Variants in PLCB1 observed in about 807,000 individuals in gnomAD.
PLCB1 encodes the protein phospholipase C beta 1.
A neutral mutation model predicts 161.8 loss-of-function variants in PLCB1; 46 were observed. The ratio of observed to expected loss-of-function variants is 0.28; its 90% CI spans 0.22 to 0.36. PLCB1 has a LOEUF of 0.36. Among genes scored for constraint, PLCB1 ranks in the 10% least tolerant of loss-of-function variants. The probability of loss-of-function intolerance (pLI) is 1.00; values close to 1 mark genes in which losing one functional copy is unlikely to be tolerated. For synonymous variants in PLCB1, 517 were observed against 503.7 expected, an observed-to-expected ratio of 1.03 and a Z score of -0.35; for missense variants, 1,016 against 1,472.5, an observed-to-expected ratio of 0.69 and a Z score of 5.07.
At chr20:8,750,512 A>G (rs2123545583) in intron 23 of PLCB1, among the ~76,000 whole-genome samples, 1 of 152,360 alleles carries the variant, frequency 6.6e-6, no homozygotes, top group African/African-American at 2.4e-5. Context: ...TTGATCACAT[A>G]TAAATCCCTC....
chr20:8,620,599 G>A (rs1357589998), intron 3 of PLCB1, among the ~76,000 whole-genome samples: 1 of 151,738 alleles, frequency 6.6e-6, no homozygotes, highest in Non-Finnish European at 1.5e-5. Flanking sequence ...AATTAGCCAG[G>A]TCTGGTGGTG....
intron 3 of PLCB1, among the ~76,000 whole-genome samples, chr20:8,537,472 T>A (rs1985101202): frequency 6.6e-6 from 1 of 152,128 alleles, no homozygotes; most frequent in Non-Finnish European, 1.5e-5. Flanking sequence ...ATAGGGAGAC[T>A]GCCTTTCCCT....
intron 31 of PLCB1, among the ~76,000 whole-genome samples, chr20:8,849,769 C>T (rs775019698): frequency 3.3e-5 from 5 of 152,108 alleles, no homozygotes; most frequent in Non-Finnish European, 5.9e-5. Flanking sequence ...AATCCCAGCA[C>T]TTTGGGAGGC....
intron 2 of PLCB1, among the ~76,000 whole-genome samples, chr20:8,154,142 C>T (rs1383893461): frequency 6.6e-6 from 1 of 152,084 alleles, no homozygotes; most frequent in Non-Finnish European, 1.5e-5. Flanking sequence ...TACTAAGTCA[C>T]ATCATATTAA....
chr20:8,720,748 T>C (rs1471882489), intron 14 of PLCB1, among the ~76,000 whole-genome samples: 1 of 152,122 alleles, frequency 6.6e-6, no homozygotes, highest in Non-Finnish European at 1.5e-5. Context: ...TGATTGGCTA[T>C]TTGAAATGAC....
intron 3 of PLCB1, among the ~76,000 whole-genome samples, chr20:8,434,498 A>G (rs984515060): frequency 1.3e-5 from 2 of 152,222 alleles, no homozygotes; most frequent in African/African-American, 4.8e-5. Context: ...AACAGATTAG[A>G]TGTCCAATTA....
chr20:8,816,550 T>C (rs1028279028), intron 31 of PLCB1, among the ~76,000 whole-genome samples: 4 of 152,158 alleles, frequency 2.6e-5, no homozygotes, highest in African/African-American at 9.7e-5. Flanking sequence ...AAAAACATGT[T>C]CAGACATACA....
At chr20:8,644,693 G>A (rs1337140852) in intron 4 of PLCB1, among the ~76,000 whole-genome samples, 4 of 151,508 alleles carry the variant, frequency 2.6e-5, no homozygotes, top group East Asian at 4.0e-4. Flanking sequence ...CGCCCCGTCC[G>A]GGAGGGAGGT....
chr20:8,271,653 A>G (rs1408698916), intron 2 of PLCB1, among the ~76,000 whole-genome samples: 2 of 152,118 alleles, frequency 1.3e-5, no homozygotes, highest in East Asian at 3.9e-4. Flanking sequence ...TGATTAATAG[A>G]GAAAAGAGGC....
At chr20:8,363,093 A>G (rs1986596330) in intron 2 of PLCB1, among the ~76,000 whole-genome samples, 2 of 152,286 alleles carry the variant, frequency 1.3e-5, no homozygotes, top group South Asian at 2.1e-4. Context: ...GGGTGGGTGG[A>G]GTGCCAAGAT....
intron 23 of PLCB1, among the ~76,000 whole-genome samples, chr20:8,754,223 A>G (rs2123556078): frequency 6.6e-6 from 1 of 152,308 alleles, no homozygotes; most frequent in Middle Eastern, 3.4e-3. Flanking sequence ...TGATAAGCAG[A>G]GATTTATTTT....
intron 31 of PLCB1, among the ~76,000 whole-genome samples, chr20:8,826,499 A>AC (rs1290121429): frequency 6.6e-6 from 1 of 151,136 alleles, no homozygotes; most frequent in Admixed American, 6.6e-5. Context: ...CCGTCTCAAA[A>AC]AAAAAAAAAA....
chr20:8,382,669 C>T (rs968405617), intron 3 of PLCB1, among the ~76,000 whole-genome samples: 2 of 151,804 alleles, frequency 1.3e-5, no homozygotes, highest in African/African-American at 2.4e-5. Flanking sequence ...CTGCCTCAGC[C>T]TCCTGAGTAG....
At chr20:8,517,889 A>C (rs1234041192) in intron 3 of PLCB1, among the ~76,000 whole-genome samples, 1 of 152,190 alleles carries the variant, frequency 6.6e-6, no homozygotes, top group Non-Finnish European at 1.5e-5. Flanking sequence ...AGCCATTAAA[A>C]GTTTATCTTC....
intron 3 of PLCB1, among the ~76,000 whole-genome samples, chr20:8,565,663 G>T (rs1986308729): frequency 6.6e-6 from 1 of 152,044 alleles, no homozygotes; most frequent in South Asian, 2.1e-4. Flanking sequence ...TAACCAGCTA[G>T]AAGACTGGAG....
chr20:8,812,865 T>C (rs1418285074), intron 31 of PLCB1, among the ~76,000 whole-genome samples: 2 of 152,204 alleles, frequency 1.3e-5, no homozygotes, highest in African/African-American at 4.8e-5. Flanking sequence ...CTTTAACAGT[T>C]AGAAGGACTA....
At chr20:8,855,461 T>G (rs1987038382) in intron 31 of PLCB1, among the ~76,000 whole-genome samples, 1 of 152,162 alleles carries the variant, frequency 6.6e-6, no homozygotes, top group Non-Finnish European at 1.5e-5. Flanking sequence ...AGACCCAGGA[T>G]TCCCTCCAAA....
chr20:8,475,592 C>T (rs1982241978), intron 3 of PLCB1, among the ~76,000 whole-genome samples: 1 of 152,212 alleles, frequency 6.6e-6, no homozygotes. Flanking sequence ...CTTTTTTCTA[C>T]ACCTTGTCTT....
chr20:8,273,441 A>G (rs1027703262), intron 2 of PLCB1, among the ~76,000 whole-genome samples: 3 of 152,138 alleles, frequency 2.0e-5, no homozygotes, highest in Non-Finnish European at 4.4e-5. Context: ...GCTATATTTT[A>G]TATATACATC....
Sources: allele counts gnomAD v4.1 joint callset (sites outside exome capture counted in the v4.1 genomes callset), GRCh38; gene constraint gnomAD v4.1.1; transcripts MANE v1.5; gene names NCBI Gene and HGNC (gene_info 2026-07-23, HGNC 2026-07-21).